Variants in CCSER2 observed in about 807,000 individuals in gnomAD.
The protein encoded by CCSER2 is serine-rich coiled-coil domain-containing protein 2.
In CCSER2, 46 loss-of-function variants were observed where a neutral mutation model predicts 92.3. That is an observed-to-expected ratio of 0.50 (90% CI 0.39 to 0.64). The LOEUF is 0.64. Among genes scored for constraint, CCSER2 ranks in the 30% least tolerant of loss-of-function variants. The pLI, the probability that CCSER2 is intolerant of heterozygous loss-of-function variation, is 0.00. For synonymous variants in CCSER2, 433 were observed against 431.4 expected, an observed-to-expected ratio of 1.00 and a Z score of -0.04; for missense variants, 1,244 against 1,238.9, an observed-to-expected ratio of 1.00 and a Z score of -0.06.
At chr10:84,480,134 T>C (rs548551174) in intron 9 of CCSER2, among the ~76,000 whole-genome samples, 9 of 152,288 alleles carry the variant, frequency 5.9e-5, no homozygotes, top group Admixed American at 4.6e-4. Context: ...AGCCTTGACC[T>C]CCTGGGCTCA....
intron 6 of CCSER2, among the ~76,000 whole-genome samples, chr10:84,460,843 A>T (rs1846064013): frequency 6.6e-6 from 1 of 152,046 alleles, no homozygotes; most frequent in Admixed American, 6.5e-5. Context: ...ATTCCTGATA[A>T]TGTTTTGATT....
intron 1 of CCSER2, among the ~76,000 whole-genome samples, chr10:84,346,701 T>C (rs1013948492): frequency 2.6e-5 from 4 of 151,626 alleles, no homozygotes; most frequent in Admixed American, 2.6e-4. Flanking sequence ...GAGCACATGC[T>C]ACTTCATGGG....
intron 9 of CCSER2, among the ~76,000 whole-genome samples, chr10:84,478,201 C>G (rs1417042670): frequency 6.6e-6 from 1 of 152,134 alleles, no homozygotes; most frequent in Non-Finnish European, 1.5e-5. Context: ...CTATGTATTC[C>G]ATGCTTATTT....
chr10:84,508,543 T>G (rs1849185892), intron 9 of CCSER2, among the ~76,000 whole-genome samples: 1 of 152,178 alleles, frequency 6.6e-6, no homozygotes, highest in Non-Finnish European at 1.5e-5. Flanking sequence ...TTGTAAAAGC[T>G]AAGTGACTCA....
intron 1 of CCSER2, among the ~76,000 whole-genome samples, chr10:84,348,444 AAG>A (rs958207427): frequency 1.1e-4 from 16 of 143,888 alleles, no homozygotes; most frequent in Admixed American, 8.9e-4. Context: ...AGACCGTGGA[AAG>A]AGAGGGAGAG....
intron 9 of CCSER2, among the ~76,000 whole-genome samples, chr10:84,490,907 G>A (rs1848122044): frequency 6.6e-6 from 1 of 152,346 alleles, no homozygotes; most frequent in East Asian, 1.9e-4. Flanking sequence ...GTGACCGACA[G>A]ATGGGATTTT....
chr10:84,349,020 C>T (rs1003280536), intron 1 of CCSER2, among the ~76,000 whole-genome samples: 7 of 151,962 alleles, frequency 4.6e-5, no homozygotes, highest in South Asian at 2.1e-4. Flanking sequence ...TTAACATTGA[C>T]GCAATAGTTT....
intron 8 of CCSER2, 51 bp from the exon 9 acceptor site, chr10:84,477,524 G>T (rs1459543003): frequency 1.1e-6 from 1 of 908,794 alleles, no homozygotes; most frequent in Non-Finnish European, 1.8e-6. Flanking sequence ...GTGTGTCTTG[G>T]TGTGTATATG....
chr10:84,423,935 C>G (rs1843283593), intron 4 of CCSER2, among the ~76,000 whole-genome samples: 1 of 148,152 alleles, frequency 6.7e-6, no homozygotes, highest in South Asian at 2.1e-4. Flanking sequence ...TCCCTTGAGG[C>G]CAGGATTTTG....
intron 1 of CCSER2, among the ~76,000 whole-genome samples, chr10:84,369,295 G>T (rs1472333224): frequency 6.6e-6 from 1 of 151,996 alleles, no homozygotes; most frequent in Non-Finnish European, 1.5e-5. Flanking sequence ...GTACCTAAAT[G>T]TTCCCTTTTC....
chr10:84,371,564 C>T lies in CCSER2; in HGVS notation c.512C>T (p.Ser171Leu). 6.2e-7 allele frequency: 1 copy of T among 1,613,676 alleles called. No homozygotes were observed. The highest frequency in any genetic ancestry group is 8.5e-7 in the Non-Finnish European group (1 of 1,179,760). Residue 171 changes from serine to leucine, a missense_variant, in exon 2 of 10, where the codon TCA becomes TTA. Transcript: ENST00000372088. ...TSYSSINTPKSQLNGFYGNRS... is the reference protein window; with the variant it reads ...TSYSSINTPKLQLNGFYGNRS... ...TATTCTTCGATCAATACTCCAAAAT[C>T]ACAGTTGAATGGATTTTATGGAAAC...
chr10:84,443,495 G>C (rs1040745583), intron 6 of CCSER2, among the ~76,000 whole-genome samples: 2 of 152,204 alleles, frequency 1.3e-5, no homozygotes, highest in African/African-American at 4.8e-5. Context: ...GGAGACAACA[G>C]GTGCTGGAGA....
At chr10:84,451,105 GA>G (rs902556125) in intron 6 of CCSER2, among the ~76,000 whole-genome samples, 9 of 151,778 alleles carry the variant, frequency 5.9e-5, no homozygotes, top group African/African-American at 2.2e-4. Context: ...GGAGAAAGGG[GA>G]AAAAACCCTT....
At chr10:84,441,734 ATGTTTTTTTTTTTTT>A (rs1844558124) in intron 6 of CCSER2, among the ~76,000 whole-genome samples, 6 of 106,410 alleles carry the variant, frequency 5.6e-5, no homozygotes, top group African/African-American at 2.0e-4. Flanking sequence ...GACTGGGAAA[ATGTTTTTTTTTTTTT>A]TTTTTTTTTT....
chr10:84,488,765 T>C (rs974455046), intron 9 of CCSER2, among the ~76,000 whole-genome samples: 1 of 151,972 alleles, frequency 6.6e-6, no homozygotes, highest in Admixed American at 6.6e-5. Flanking sequence ...CTTAGTTATT[T>C]CTTGCCTTCT....
chr10:84,487,097 G>A (rs1343384231), intron 9 of CCSER2, among the ~76,000 whole-genome samples: 8 of 152,084 alleles, frequency 5.3e-5, no homozygotes, highest in Non-Finnish European at 8.8e-5. Flanking sequence ...TGTTCCATTG[G>A]TCTATATCTC....
chr10:84,470,349 C>G (rs1191351185), intron 7 of CCSER2, 23 bp from the exon 8 acceptor site: 1 of 1,213,634 alleles, frequency 8.2e-7, no homozygotes, highest in East Asian at 3.1e-5. Flanking sequence ...AATACCTCAT[C>G]TAAAGATTTT....
intron 6 of CCSER2, among the ~76,000 whole-genome samples, chr10:84,440,124 G>C (rs113386463): frequency 0.024 from 3,584 of 152,224 alleles, 59 homozygotes; most frequent in Non-Finnish European, 0.039. Flanking sequence ...GGTAGTAGTA[G>C]GTGAATTGGT....
chr10:84,458,483 T>C (rs1163094331), intron 6 of CCSER2, among the ~76,000 whole-genome samples: 2 of 152,204 alleles, frequency 1.3e-5, no homozygotes, highest in African/African-American at 4.8e-5. Flanking sequence ...CAACTTTCTC[T>C]TTTCAGAATT....
Sources: allele counts gnomAD v4.1 joint callset (sites outside exome capture counted in the v4.1 genomes callset), GRCh38; gene constraint gnomAD v4.1.1; transcripts MANE v1.5; gene names NCBI Gene and HGNC (gene_info 2026-07-23, HGNC 2026-07-21).